Variants in TJP1 observed in about 807,000 individuals in gnomAD.
TJP1 encodes tight junction protein 1.
Under a neutral mutation model 194.2 loss-of-function variants are expected in TJP1, and 43 were observed. That is an observed-to-expected ratio of 0.22 (90% CI 0.17 to 0.29). TJP1 has a LOEUF of 0.29. Ranked by LOEUF, TJP1 falls within the 10% of genes least tolerant of loss-of-function variation. TJP1 has a pLI of 1.00. For synonymous variants in TJP1, 801 were observed against 779.0 expected, an observed-to-expected ratio of 1.03 and a Z score of -0.47; for missense variants, 1,971 against 2,185.7, an observed-to-expected ratio of 0.90 and a Z score of 1.96.
chr15:29,754,179 A>G (rs1409063871), intron 8 of TJP1, among the ~76,000 whole-genome samples: 2 of 152,232 alleles, frequency 1.3e-5, no homozygotes, highest in African/African-American at 2.4e-5. Context: ...CATATACACC[A>G]TGGAATACTA....
chr15:29,719,558 G>C (rs149287031), intron 20 of TJP1, among the ~76,000 whole-genome samples: 1 of 152,156 alleles, frequency 6.6e-6, no homozygotes, highest in East Asian at 1.9e-4. Flanking sequence ...AAAATAATAA[G>C]CACAAATCTC....
intron 2 of TJP1, among the ~76,000 whole-genome samples, chr15:29,871,969 T>C (rs1051475245): frequency 6.6e-6 from 1 of 152,230 alleles, no homozygotes; most frequent in African/African-American, 2.4e-5. Flanking sequence ...AATACTTCCA[T>C]ATTTTCTGAG....
At chr15:29,720,793 A>G (rs777589222) in intron 18 of TJP1, 85 bp from the exon 19 acceptor site, 6 of 1,103,614 alleles carry the variant, frequency 5.4e-6, no homozygotes, top group South Asian at 3.3e-5. Context: ...ATTGAAAAGG[A>G]TATCTTTCTC....
intron 2 of TJP1, among the ~76,000 whole-genome samples, chr15:29,907,361 A>G (rs2053850467): frequency 6.6e-6 from 1 of 152,138 alleles, no homozygotes; most frequent in African/African-American, 2.4e-5. Context: ...GTGAGCCGAG[A>G]TCGCACCACT....
intron 2 of TJP1, among the ~76,000 whole-genome samples, chr15:29,948,160 G>T (rs1361025028): frequency 1.6e-4 from 25 of 151,772 alleles, no homozygotes; most frequent in Non-Finnish European, 7.4e-5. Flanking sequence ...AGTCACTCCT[G>T]CTGAGGCAGG....
At chr15:29,841,650 TAATA>T (rs1189878006) in intron 2 of TJP1, among the ~76,000 whole-genome samples, 7 of 152,220 alleles carry the variant, frequency 4.6e-5, no homozygotes, top group Non-Finnish European at 1.0e-4. Context: ...ATAGCAGGAT[TAATA>T]AATTCTCAAG....
intron 2 of TJP1, among the ~76,000 whole-genome samples, chr15:29,918,026 C>A (rs1388581345): frequency 2.0e-5 from 3 of 152,162 alleles, no homozygotes; most frequent in Admixed American, 1.3e-4. Flanking sequence ...ATTCTACTTT[C>A]TTCTCTATGA....
intron 2 of TJP1, among the ~76,000 whole-genome samples, chr15:29,949,511 T>TCCACCACCA (rs2055494814): frequency 5.5e-5 from 1 of 18,132 alleles, no homozygotes. Flanking sequence ...AACCACCACC[T>TCCACCACCA]CCACCTCCAC....
At chr15:29,906,575 G>GTTTTGT (rs936237018) in intron 2 of TJP1, among the ~76,000 whole-genome samples, 8 of 151,704 alleles carry the variant, frequency 5.3e-5, no homozygotes, top group Admixed American at 2.0e-4. Flanking sequence ...TTTTGTTGTT[G>GTTTTGT]TTTTGTTTTT....
rs918336266 is a variant in TJP1 at position 29,968,573 on chromosome 15, G to A, written c.173+94C>T. 1.1e-4 allele frequency: 89 copies of A among 841,482 alleles called. No individual in the cohort carries two copies. The African/African-American group carries it at 1.5e-3, about 15-fold the overall frequency. The allele number at this position is 841,482 out of a possible 1,614,324, so 52.1% of individuals were successfully genotyped here. On this transcript the variant is annotated intron_variant, in intron 1 of 28. Transcript: ENST00000356107. ...ACAGTCGCGGCCTCGCCCCCCGCCC[G>A]ACCGCCCCGGCCGCCGCTCGCTCTC...
At chr15:29,750,326 A>G (rs1024462819) in intron 8 of TJP1, among the ~76,000 whole-genome samples, 3 of 151,942 alleles carry the variant, frequency 2.0e-5, no homozygotes, top group African/African-American at 7.3e-5. Context: ...TTTAGTAGAG[A>G]CAGGGTTTCA....
chr15:29,904,176 G>A (rs929402726), intron 2 of TJP1, among the ~76,000 whole-genome samples: 1 of 152,046 alleles, frequency 6.6e-6, no homozygotes, highest in Non-Finnish European at 1.5e-5. Flanking sequence ...CCACAATGAG[G>A]GTTCAGGATT....
intron 2 of TJP1, among the ~76,000 whole-genome samples, chr15:29,797,305 A>G (rs1471309252): frequency 6.6e-6 from 1 of 151,890 alleles, no homozygotes; most frequent in African/African-American, 2.4e-5. Context: ...ACATGCCAAC[A>G]CTCCCAGCTA....
chr15:29,806,080 T>C (rs2049093351), intron 1 of TJP1, among the ~76,000 whole-genome samples: 1 of 152,178 alleles, frequency 6.6e-6, no homozygotes, highest in East Asian at 1.9e-4. Flanking sequence ...TTTTCGACGA[T>C]CAAATGATAT....
At chr15:29,826,708 G>A (rs776931068), upstream of TJP1, among the ~76,000 whole-genome samples, 3 of 152,076 alleles carry the variant, frequency 2.0e-5, no homozygotes, top group East Asian at 1.9e-4. Flanking sequence ...GAATTCAAGC[G>A]TCTTCTAGTG....
At chr15:29,839,936 C>T (rs191698326) in intron 2 of TJP1, among the ~76,000 whole-genome samples, 1 of 152,270 alleles carries the variant, frequency 6.6e-6, no homozygotes, top group Admixed American at 6.5e-5. Flanking sequence ...TCACTCTAGC[C>T]ATTCTGATTT....
chr15:29,818,872 A>G (rs986923673), intron 1 of TJP1, among the ~76,000 whole-genome samples: 9 of 151,754 alleles, frequency 5.9e-5, no homozygotes, highest in Non-Finnish European at 1.2e-4. Flanking sequence ...GCTGTAGTGC[A>G]GTGGCCCCGA....
At chr15:29,770,088 T>TAGCC (rs1415562888) in intron 4 of TJP1, among the ~76,000 whole-genome samples, 3 of 152,116 alleles carry the variant, frequency 2.0e-5, no homozygotes, top group African/African-American at 7.2e-5. Flanking sequence ...TGATCCTGGG[T>TAGCC]AGCCCTAGGC....
intron 23 of TJP1, among the ~76,000 whole-genome samples, chr15:29,712,917 T>C (rs544937167): frequency 3.3e-5 from 5 of 151,528 alleles, no homozygotes; most frequent in Non-Finnish European, 7.4e-5. Flanking sequence ...GAATGGTAAA[T>C]GGAGAGATAG....
Sources: allele counts gnomAD v4.1 joint callset (sites outside exome capture counted in the v4.1 genomes callset), GRCh38; gene constraint gnomAD v4.1.1; transcripts MANE v1.5; gene names NCBI Gene and HGNC (gene_info 2026-07-23, HGNC 2026-07-21).